Variants in ZCCHC7 observed in about 807,000 individuals in gnomAD.
ZCCHC7 encodes zinc finger CCHC-type containing 7, also known as zinc finger CCHC domain-containing protein 7.
ZCCHC7 carries 35 observed loss-of-function variants against 52.0 expected under a neutral mutation model. That is an observed-to-expected ratio of 0.67 (90% CI 0.51 to 0.89). The LOEUF is 0.89. Among genes scored for constraint, ZCCHC7 ranks in the 40% least tolerant of loss-of-function variants. ZCCHC7 has a pLI of 0.00. For missense variants in ZCCHC7, 574 were observed against 649.1 expected (o/e 0.88, Z 1.26); for synonymous variants, 217 against 221.5 (o/e 0.98, Z 0.18).
intron 2 of ZCCHC7, among the ~76,000 whole-genome samples, chr9:37,159,027 T>C (rs1324788815): frequency 1.3e-5 from 2 of 148,386 alleles, no homozygotes; most frequent in Non-Finnish European, 3.0e-5. Flanking sequence ...ATTAAATCAT[T>C]GGCTTGTCTG....
chr9:37,301,612 G>C (rs1829033532), intron 2 of ZCCHC7, among the ~76,000 whole-genome samples: 1 of 152,018 alleles, frequency 6.6e-6, no homozygotes, highest in Non-Finnish European at 1.5e-5. Context: ...AAAAAAACAA[G>C]AAGTAAGGGG....
Position 37,199,853 on chromosome 9 carries a change from C to T in ZCCHC7, c.610+72911C>T, listed in dbSNP as rs946213459. ...CCCAGTAGCTGGGACTACAGGCACC[C>T]GCCACCACGCCCGGCTAATTTTTTG... On this transcript the variant is annotated intron_variant, in intron 2 of 8. Coordinates refer to ENST00000336755, the MANE Select transcript of ZCCHC7 (RefSeq NM_032226.3). Among the ~76,000 whole-genome samples the T allele has an allele frequency of 1.2e-4, 18 of 151,954 alleles. No individual in the cohort carries two copies. The East Asian group carries it at 3.3e-3, about 28-fold the overall frequency.
chr9:37,355,036 T>C (rs1215752626), intron 8 of ZCCHC7, among the ~76,000 whole-genome samples: 1 of 152,212 alleles, frequency 6.6e-6, no homozygotes, highest in East Asian at 1.9e-4. Flanking sequence ...AAACATTTTT[T>C]TACAGTGATC....
intron 2 of ZCCHC7, among the ~76,000 whole-genome samples, chr9:37,218,606 C>T (rs1391218846): frequency 6.6e-6 from 1 of 152,134 alleles, no homozygotes; most frequent in Non-Finnish European, 1.5e-5. Flanking sequence ...GTCAGGAGTT[C>T]GAGACCAGCT....
chr9:37,178,016 AC>A (rs1822139077), intron 2 of ZCCHC7, among the ~76,000 whole-genome samples: 1 of 152,226 alleles, frequency 6.6e-6, no homozygotes, highest in African/African-American at 2.4e-5. Flanking sequence ...TGTCAAATTT[AC>A]CATACTAATG....
At chr9:37,314,172 C>G (rs1326930587) in intron 5 of ZCCHC7, among the ~76,000 whole-genome samples, 1 of 152,086 alleles carries the variant, frequency 6.6e-6, no homozygotes, top group Non-Finnish European at 1.5e-5. Context: ...AGAGATAATT[C>G]CCATTCTGCA....
At chr9:37,141,346 A>G (rs886723929) in intron 2 of ZCCHC7, among the ~76,000 whole-genome samples, 1 of 151,156 alleles carries the variant, frequency 6.6e-6, no homozygotes, top group African/African-American at 2.4e-5. Context: ...TCCTTAGCCC[A>G]TCTATTTGTG....
intron 2 of ZCCHC7, among the ~76,000 whole-genome samples, chr9:37,299,570 C>T (rs922041616): frequency 5.1e-4 from 77 of 152,250 alleles, no homozygotes; most frequent in East Asian, 7.7e-4. Context: ...TGAGGAGTTG[C>T]CCTAGACAAA....
chr9:37,307,750 T>C (rs1229667296), intron 5 of ZCCHC7, among the ~76,000 whole-genome samples: 1 of 152,066 alleles, frequency 6.6e-6, no homozygotes, highest in African/African-American at 2.4e-5. Flanking sequence ...AGAGTATGAG[T>C]GTTTGGTATA....
chr9:37,179,372 C>A (rs111378660), intron 2 of ZCCHC7, among the ~76,000 whole-genome samples: 2 of 152,022 alleles, frequency 1.3e-5, no homozygotes, highest in African/African-American at 4.8e-5. Context: ...ATTTACCTGC[C>A]GTAATAGTGC....
intron 2 of ZCCHC7, among the ~76,000 whole-genome samples, chr9:37,181,212 G>T (rs1822334810): frequency 6.6e-6 from 1 of 151,992 alleles, no homozygotes; most frequent in South Asian, 2.1e-4. Flanking sequence ...TTTGTAGTTT[G>T]CAAGGGTAGA....
At chr9:37,255,042 A>G (rs1451845693) in intron 2 of ZCCHC7, among the ~76,000 whole-genome samples, 2 of 151,868 alleles carry the variant, frequency 1.3e-5, no homozygotes, top group African/African-American at 4.8e-5. Flanking sequence ...TAGGGAATAC[A>G]TTCCAGCATT....
intron 2 of ZCCHC7, among the ~76,000 whole-genome samples, chr9:37,206,942 T>G (rs1263603663): frequency 6.6e-6 from 1 of 151,842 alleles, no homozygotes; most frequent in Non-Finnish European, 1.5e-5. Flanking sequence ...CCTGGATAAC[T>G]TAGTGAAACT....
intron 2 of ZCCHC7, among the ~76,000 whole-genome samples, chr9:37,128,702 T>C (rs760222934): frequency 2.6e-5 from 4 of 152,222 alleles, no homozygotes; most frequent in African/African-American, 4.8e-5. Context: ...TTGGAAATCA[T>C]TGCACTTGAG....
At chr9:37,293,652 C>A (rs550673929) in intron 2 of ZCCHC7, among the ~76,000 whole-genome samples, 9 of 152,084 alleles carry the variant, frequency 5.9e-5, no homozygotes, top group African/African-American at 2.2e-4. Context: ...GTTATATTGA[C>A]TGTTTCTGTT....
At chr9:37,238,696 T>C (rs1825756620) in intron 2 of ZCCHC7, among the ~76,000 whole-genome samples, 1 of 152,140 alleles carries the variant, frequency 6.6e-6, no homozygotes, top group African/African-American at 2.4e-5. Context: ...TCTCACCTGG[T>C]TGATCATTTC....
chr9:37,161,150 A>T (rs1326257381), intron 2 of ZCCHC7, among the ~76,000 whole-genome samples: 1 of 151,820 alleles, frequency 6.6e-6, no homozygotes, highest in Admixed American at 6.6e-5. Context: ...GGGTTTCATT[A>T]TGTTGGCCAG....
chr9:37,149,371 T>G (rs2132821721), intron 2 of ZCCHC7, among the ~76,000 whole-genome samples: 1 of 152,278 alleles, frequency 6.6e-6, no homozygotes, highest in South Asian at 2.1e-4. Context: ...CATTGTACAC[T>G]TTTGGGGGAA....
At chr9:37,163,735 A>T (rs1821247903) in intron 2 of ZCCHC7, among the ~76,000 whole-genome samples, 1 of 152,212 alleles carries the variant, frequency 6.6e-6, no homozygotes, top group Admixed American at 6.5e-5. Context: ...TTTGGGGTTG[A>T]ATCTCAAAAA....
Sources: allele counts gnomAD v4.1 joint callset (sites outside exome capture counted in the v4.1 genomes callset), GRCh38; gene constraint gnomAD v4.1.1; transcripts MANE v1.5; gene names NCBI Gene and HGNC (gene_info 2026-07-23, HGNC 2026-07-21).